Variants in C8orf89 observed in about 807,000 individuals in gnomAD.
C8orf89 encodes chromosome 8 open reading frame 89, also known as putative uncharacterized protein C8orf89.
A neutral mutation model predicts 15.8 loss-of-function variants in C8orf89; 14 were observed. That is an observed-to-expected ratio of 0.89 (90% CI 0.59 to 1.39). The LOEUF is 1.39. Among genes scored for constraint, C8orf89 ranks in the 40% most tolerant of loss-of-function variants. The pLI is 0.00. For synonymous variants in C8orf89, 55 were observed against 62.2 expected (o/e 0.88, Z 0.54); for missense variants, 181 against 184.5 (o/e 0.98, Z 0.11).
chr8:73,267,480 A>G, the C8orf89 span, among the ~76,000 whole-genome samples: 29 of 152,226 alleles, frequency 1.9e-4, no homozygotes, highest in African/African-American at 6.8e-4. Context: ...AGGATACTAA[A>G]GGATCAACTT....
At chr8:73,284,042 TA>T in the C8orf89 span, among the ~76,000 whole-genome samples, 163 of 134,712 alleles carry the variant, frequency 1.2e-3, no homozygotes, top group Non-Finnish European at 1.4e-3. Flanking sequence ...AACTCTGTCT[TA>T]AAAAAAAAAA....
rs139496465 is a variant in C8orf89, at chr8:73,257,914, C to T, written c.128-788G>A. Among the ~76,000 whole-genome samples the T allele has an allele frequency of 7.4e-4, 113 of 151,912 alleles. No individual in the cohort carries two copies. The East Asian group carries it at 0.021, about 29-fold the overall frequency. ...GTTATTTTGTAACTTTTGATTTTTT[C>T]CTCTTTTGGAAAAAATAGTTTCTGT... On this transcript the variant is annotated intron_variant, in intron 1 of 3. Coordinates refer to ENST00000624510, the MANE Select transcript of C8orf89 (RefSeq NM_001243237.3).
At position 73,259,328 on chromosome 8, in the gene C8orf89, T is replaced by C. The variant is rs1420629160; in HGVS notation, c.127+4A>G. ...CTTAAGGAAAATAATAACAATAAAG[T>C]TACCTTTCTTAATCTTTTGTGTTTC... is the stretch of plus-strand genomic sequence containing the variant. On this transcript the variant is annotated splice_donor_region_variant and intron_variant, in intron 1 of 3. Coordinates refer to ENST00000624510, the MANE Select transcript of C8orf89 (RefSeq NM_001243237.3). The C allele has an allele frequency of 5.4e-6, 8 of 1,477,808 alleles. No homozygotes were observed. Among genetic ancestry groups the C allele is most frequent in the African/African-American group, 1.4e-5 (1 of 71,288 alleles). The allele number at this position is 1,477,808 out of a possible 1,614,324, so 91.5% of individuals were successfully genotyped here.
chr8:73,283,257 A>T, the C8orf89 span, among the ~76,000 whole-genome samples: 2 of 152,230 alleles, frequency 1.3e-5, no homozygotes, highest in Admixed American at 1.3e-4. Context: ...AAGTTACTGG[A>T]GAAGGGAATT....
At chr8:73,255,256 TCAAA>T (rs1813343869) in intron 2 of C8orf89, among the ~76,000 whole-genome samples, 1 of 151,834 alleles carries the variant, frequency 6.6e-6, no homozygotes, top group African/African-American at 2.4e-5. Context: ...TACAATTAAC[TCAAA>T]CAAATTTACA....
chr8:73,280,338 T>C, the C8orf89 span, among the ~76,000 whole-genome samples: 2 of 152,214 alleles, frequency 1.3e-5, no homozygotes, highest in Admixed American at 6.5e-5. Flanking sequence ...GTTCCCAGAA[T>C]AGCTTTTTAA....
At position 73,250,286 on chromosome 8, in the gene C8orf89, G is replaced by A; in HGVS notation, c.319C>T (p.Leu107Phe). 1 of 1,533,522 alleles carries A rather than the reference G, an allele frequency of 6.5e-7. No individual in the cohort carries two copies. The highest frequency in any genetic ancestry group is 8.7e-7 in the Non-Finnish European group (1 of 1,145,070). The allele number at this position is 1,533,522 out of a possible 1,614,324, so 95.0% of individuals were successfully genotyped here. A position where few individuals can be genotyped will look rare whatever the true frequency, so the allele number is the denominator to read the frequency against. Residue 107 changes from leucine (L) to phenylalanine (F), a missense_variant, in exon 3 of 4, where the codon CTT becomes TTT. Coordinates refer to ENST00000624510, the MANE Select transcript of C8orf89 (RefSeq NM_001243237.3). ...KTKETCSVAP[L>F]WEKSKGSGFS... Reference sequence around the variant, plus strand: ...AGCTTACCTTTTGATTTCTCCCAAAGTGGTGCCACACTGCATGTCTCCTTA... The same window carrying A: ...AGCTTACCTTTTGATTTCTCCCAAAATGGTGCCACACTGCATGTCTCCTTA...
At chr8:73,262,992 CT>C (rs1254693711), upstream of C8orf89, among the ~76,000 whole-genome samples, 1 of 151,832 alleles carries the variant, frequency 6.6e-6, no homozygotes, top group Non-Finnish European at 1.5e-5. Context: ...CTTTACAGAA[CT>C]AATAAAAAGG....
chr8:73,273,016 G>A, the C8orf89 span, among the ~76,000 whole-genome samples: 1 of 152,216 alleles, frequency 6.6e-6, no homozygotes, highest in Admixed American at 6.5e-5. Context: ...AAAAAGGTAA[G>A]TAAAATCAGA....
the C8orf89 span, among the ~76,000 whole-genome samples, chr8:73,270,974 A>G: frequency 6.6e-6 from 1 of 152,234 alleles, no homozygotes; most frequent in African/African-American, 2.4e-5. Flanking sequence ...ACAGCCTGTG[A>G]ATCAAGAAAT....
At chr8:73,256,881 A>T in intron 2 of C8orf89, 92 bp downstream of exon 2, 1 of 787,268 alleles carries the variant, frequency 1.3e-6, no homozygotes, top group Non-Finnish European at 1.8e-6. Context: ...GGCAAAAATG[A>T]ATGCAATTCA....
At chr8:73,257,251 T>A in intron 1 of C8orf89, 125 bp from the exon 2 acceptor site, 1 of 613,102 alleles carries the variant, frequency 1.6e-6, no homozygotes, top group Non-Finnish European at 2.7e-6. Flanking sequence ...AACTGTAATT[T>A]AGCATCTTTC....
chr8:73,258,621 G>A (rs1813458692), intron 1 of C8orf89, among the ~76,000 whole-genome samples: 1 of 144,262 alleles, frequency 6.9e-6, no homozygotes. Flanking sequence ...ATAAAGTTTT[G>A]GTTAGAATTT....
chr8:73,277,964 G>A, the C8orf89 span: 1 of 648,540 alleles, frequency 1.5e-6, no homozygotes, highest in Non-Finnish European at 3.0e-6. Flanking sequence ...CAGCAACAAT[G>A]CCAAGGCAGC....
the C8orf89 span, among the ~76,000 whole-genome samples, chr8:73,285,210 C>T: frequency 6.6e-6 from 1 of 152,168 alleles, no homozygotes; most frequent in African/African-American, 2.4e-5. Flanking sequence ...AAACACGTTC[C>T]CCCCACTCCA....
At chr8:73,247,636 T>G (rs1813155678) in intron 3 of C8orf89, among the ~76,000 whole-genome samples, 1 of 152,236 alleles carries the variant, frequency 6.6e-6, no homozygotes. Flanking sequence ...GTAGCCATTC[T>G]GACTCATGTG....
chr8:73,277,287 A>G, the C8orf89 span: 1 of 584,824 alleles, frequency 1.7e-6, no homozygotes, highest in Admixed American at 2.7e-5. Context: ...TAGGGACACA[A>G]GTGGGAGCAA....
chr8:73,280,720 CAT>C, the C8orf89 span, among the ~76,000 whole-genome samples: 1 of 149,160 alleles, frequency 6.7e-6, no homozygotes, highest in Admixed American at 6.7e-5. Flanking sequence ...TATATATACA[CAT>C]ATATATACAC....
the C8orf89 span, among the ~76,000 whole-genome samples, chr8:73,280,519 T>C: frequency 6.6e-5 from 10 of 152,208 alleles, no homozygotes; most frequent in Admixed American, 3.9e-4. Context: ...TACAGGCACA[T>C]GGCCCCAGGC....
Sources: gnomAD v4.1 joint callset for allele counts (sites outside exome capture counted in the v4.1 genomes callset) on GRCh38, gnomAD v4.1.1 for gene constraint, MANE v1.5 for transcripts, NCBI Gene and HGNC (gene_info 2026-07-23, HGNC 2026-07-21) for gene names.